The following DLC1 variants were observed in gnomAD, a reference collection of about 807,000 sequenced individuals.
The protein encoded by DLC1 is DLC1 Rho GTPase activating protein.
In DLC1, 54 loss-of-function variants were observed where a neutral mutation model predicts 140.3. The ratio of observed to expected loss-of-function variants is 0.38; its 90% confidence interval spans 0.31 to 0.48. The LOEUF (loss-of-function observed/expected upper bound fraction) is 0.48, where lower values mean the gene tolerates loss of function less well. Ranked by LOEUF, DLC1 falls within the 20% of genes least tolerant of loss-of-function variation. DLC1 has a pLI of 0.96. For synonymous variants in DLC1, 986 were observed against 728.1 expected (o/e 1.35, Z -5.70); for missense variants, 2,536 against 1,907.0 (o/e 1.33, Z -6.14).
chr8:13,526,732 T>C (rs1225088632), intron 1 of DLC1, among the ~76,000 whole-genome samples: 1 of 148,054 alleles, frequency 6.8e-6, no homozygotes, highest in Non-Finnish European at 1.5e-5. Flanking sequence ...TAAGAACACA[T>C]GGACACAGGA....
intron 4 of DLC1, 87 bp downstream of exon 4, chr8:13,393,466 T>G: frequency 7.2e-7 from 1 of 1,379,996 alleles, no homozygotes; most frequent in Non-Finnish European, 9.8e-7. Context: ...CCAACAGTAT[T>G]TCTTCTATAT....
intron 5 of DLC1, among the ~76,000 whole-genome samples, 179 bp from the exon 6 acceptor site, chr8:13,115,836 G>GT (rs1417063377): frequency 2.0e-5 from 3 of 152,152 alleles, no homozygotes; most frequent in Non-Finnish European, 4.4e-5. Flanking sequence ...ATCGTTTCCA[G>GT]TTTTTTCACG....
intron 4 of DLC1, among the ~76,000 whole-genome samples, chr8:13,363,763 G>T (rs1459877029): frequency 1.3e-5 from 2 of 152,162 alleles, no homozygotes; most frequent in African/African-American, 4.8e-5. Context: ...CGCCAAGCAT[G>T]CTGAAACATT....
At chr8:13,562,297 G>A (rs973269705) in intron 1 of DLC1, among the ~76,000 whole-genome samples, 8 of 152,008 alleles carry the variant, frequency 5.3e-5, no homozygotes, top group Non-Finnish European at 8.8e-5. Flanking sequence ...GACAAACTGA[G>A]AAGAGCTATT....
At chr8:13,592,629 G>T (rs570712640) in intron 1 of DLC1, among the ~76,000 whole-genome samples, 1 of 151,980 alleles carries the variant, frequency 6.6e-6, no homozygotes, top group Admixed American at 6.6e-5. Flanking sequence ...GTAAGTCTTG[G>T]ATAGCTAATC....
intron 1 of DLC1, among the ~76,000 whole-genome samples, chr8:13,532,254 AGTGAGATCCT>A (rs1490363913): frequency 6.6e-6 from 1 of 152,146 alleles, no homozygotes; most frequent in Non-Finnish European, 1.5e-5. Flanking sequence ...TGGGTGACAG[AGTGAGATCCT>A]GTCTAAAAAC....
At chr8:13,547,948 A>C (rs974636278) in intron 1 of DLC1, among the ~76,000 whole-genome samples, 8 of 152,036 alleles carry the variant, frequency 5.3e-5, no homozygotes, top group African/African-American at 1.9e-4. Flanking sequence ...ATTCTGTTCA[A>C]GTTTAACACC....
chr8:13,415,360 C>G (rs568986139), intron 2 of DLC1, among the ~76,000 whole-genome samples: 1 of 150,248 alleles, frequency 6.7e-6, no homozygotes, highest in East Asian at 2.0e-4. Flanking sequence ...TAATTTTCCC[C>G]TTCATCTTCT....
intron 2 of DLC1, among the ~76,000 whole-genome samples, chr8:13,490,893 C>G (rs772241492): frequency 1.3e-5 from 2 of 151,554 alleles, no homozygotes; most frequent in African/African-American, 2.4e-5. Context: ...AGAGGCCCCT[C>G]ATACATCGTA....
intron 1 of DLC1, among the ~76,000 whole-genome samples, chr8:13,538,057 A>C (rs541780733): frequency 1.3e-5 from 2 of 152,334 alleles, no homozygotes; most frequent in East Asian, 3.9e-4. Flanking sequence ...TGAAGTAATA[A>C]TAAAAATAAT....
rs1329988234 is a variant in DLC1, at chr8:13,393,635, A to T, written c.1232T>A (p.Val411Glu). The change falls in exon 4 of 18, where the codon GTA becomes GAA. Residue 411 changes from valine to glutamate, a missense_variant. Coordinates refer to ENST00000276297, the MANE Select transcript of DLC1 (RefSeq NM_182643.3). ...GGACTCAGTGTCAGAAGACAAATTT[A>T]CTCGTGTCTGATTTACTGAAATGGT... is the stretch of plus-strand genomic sequence containing the variant. ...ADTISVNQTR[V>E]NLSSDTESTD... 1 of 1,613,910 alleles carries T rather than the reference A, an allele frequency of 6.2e-7. No individual in the cohort carries two copies. The highest frequency in any genetic ancestry group is 2.2e-5 in the East Asian group (1 of 44,868).
chr8:13,588,311 AAG>A (rs1805400733), intron 1 of DLC1, among the ~76,000 whole-genome samples: 1 of 152,130 alleles, frequency 6.6e-6, no homozygotes, highest in South Asian at 2.1e-4. Flanking sequence ...TGGATTACCG[AAG>A]AGAGAGAATC....
chr8:13,592,342 G>T (rs1204394374), intron 1 of DLC1, among the ~76,000 whole-genome samples: 1 of 151,534 alleles, frequency 6.6e-6, no homozygotes, highest in African/African-American at 2.4e-5. Flanking sequence ...ATTTAAATTT[G>T]TATTTTGTTT....
At chr8:13,400,925 A>G (rs979156588) in intron 3 of DLC1, among the ~76,000 whole-genome samples, 7 of 152,218 alleles carry the variant, frequency 4.6e-5, no homozygotes, top group African/African-American at 1.7e-4. Context: ...CTGATGCATA[A>G]TAAAATACAA....
intron 1 of DLC1, among the ~76,000 whole-genome samples, chr8:13,527,249 G>C (rs748680881): frequency 1.3e-5 from 2 of 152,186 alleles, no homozygotes; most frequent in African/African-American, 2.4e-5. Flanking sequence ...TTGAAGTTGA[G>C]AAATCCTGCT....
At chr8:13,378,775 C>T (rs965564713) in intron 4 of DLC1, among the ~76,000 whole-genome samples, 3 of 152,044 alleles carry the variant, frequency 2.0e-5, no homozygotes, top group Non-Finnish European at 4.4e-5. Flanking sequence ...TAATTTAGTT[C>T]TAGAGATGCA....
intron 5 of DLC1, among the ~76,000 whole-genome samples, chr8:13,185,529 G>T (rs190472396): frequency 6.6e-6 from 1 of 151,950 alleles, no homozygotes; most frequent in Non-Finnish European, 1.5e-5. Context: ...GGATGATCTC[G>T]ACCTCCTGAC....
intron 5 of DLC1, among the ~76,000 whole-genome samples, chr8:13,239,323 A>ACT (rs1829444046): frequency 2.0e-5 from 3 of 152,120 alleles, no homozygotes; most frequent in African/African-American, 7.2e-5. Flanking sequence ...GATGCTGTGT[A>ACT]GGTCAAAACA....
chr8:13,245,273 A>C (rs1466810182), intron 5 of DLC1, among the ~76,000 whole-genome samples: 1 of 152,054 alleles, frequency 6.6e-6, no homozygotes, highest in Non-Finnish European at 1.5e-5. Flanking sequence ...CACTAAAGAC[A>C]CCTCTATGTG....
Sources: gnomAD v4.1 joint callset for allele counts (sites outside exome capture counted in the v4.1 genomes callset) on GRCh38, gnomAD v4.1.1 for gene constraint, MANE v1.5 for transcripts, NCBI Gene and HGNC (gene_info 2026-07-23, HGNC 2026-07-21) for gene names.